EEFSEC: variants seen among roughly 807,000 people sequenced by gnomAD.
The protein encoded by EEFSEC is selenocysteine-specific elongation factor.
Under a neutral mutation model 42.1 loss-of-function variants are expected in EEFSEC, and 43 were observed. The observed-to-expected ratio is 1.02, with a 90% CI of 0.80 to 1.32. EEFSEC has a LOEUF of 1.32. EEFSEC is among the 40% of genes most tolerant of loss of function. EEFSEC has a pLI of 0.00. For missense variants in EEFSEC, 745 were observed against 803.6 expected (o/e 0.93, Z 0.88); for synonymous variants, 354 against 339.1 (o/e 1.04, Z -0.48).
chr3:128,222,819 A>G (rs2065873939), intron 1 of EEFSEC, among the ~76,000 whole-genome samples: 1 of 152,252 alleles, frequency 6.6e-6, no homozygotes, highest in South Asian at 2.1e-4. Context: ...ATTATATATC[A>G]TAAAGAATTT....
At chr3:128,344,094 C>T (rs1328048678) in intron 5 of EEFSEC, among the ~76,000 whole-genome samples, 2 of 152,230 alleles carry the variant, frequency 1.3e-5, no homozygotes, top group Non-Finnish European at 2.9e-5. Flanking sequence ...GCAGCTCCCC[C>T]AACTCGCAAC....
At chr3:128,207,707 A>C (rs1457302420) in intron 1 of EEFSEC, among the ~76,000 whole-genome samples, 1 of 152,124 alleles carries the variant, frequency 6.6e-6, no homozygotes, top group Non-Finnish European at 1.5e-5. Context: ...TATCTGACAA[A>C]GCTTTTCTTC....
intron 1 of EEFSEC, among the ~76,000 whole-genome samples, chr3:128,167,731 A>G (rs762394546): frequency 2.0e-5 from 3 of 152,214 alleles, no homozygotes; most frequent in Non-Finnish European, 4.4e-5. Context: ...GTTCTCAAAC[A>G]TCCTTCTGAT....
intron 1 of EEFSEC, among the ~76,000 whole-genome samples, chr3:128,207,673 A>G (rs2955127): frequency 0.14 from 21,976 of 152,030 alleles, 1,708 homozygotes; most frequent in Admixed American, 0.2. Context: ...CCATGTTGGC[A>G]TTCAAAGCAG....
At position 128,309,924 on chromosome 3, in the gene EEFSEC, A is replaced by G. The variant is rs139658728; in HGVS notation, c.787-31309A>G. On this transcript the variant is annotated intron_variant, in intron 4 of 6. Coordinates refer to ENST00000254730, the MANE Select transcript of EEFSEC (RefSeq NM_021937.5). ...TGCCACACTCTGTGATCTTATTCAA[A>G]TGTCAGCTTTTCCTAGCATTAACAT... 2.9e-4 allele frequency among the ~76,000 whole-genome samples: 44 copies of G among 152,316 alleles called. No homozygotes were observed. The East Asian group carries it at 8.5e-3, about 29-fold the overall frequency.
chr3:128,167,277 T>C (rs1275581739), intron 1 of EEFSEC, among the ~76,000 whole-genome samples: 1 of 152,236 alleles, frequency 6.6e-6, no homozygotes, highest in Non-Finnish European at 1.5e-5. Context: ...TGTTTTCCAC[T>C]GGACTTGATC....
At chr3:128,248,109 T>C (rs2066146268) in intron 2 of EEFSEC, among the ~76,000 whole-genome samples, 2 of 152,198 alleles carry the variant, frequency 1.3e-5, no homozygotes, top group South Asian at 4.1e-4. Context: ...GAAAATGTCC[T>C]TGTTGAGCAC....
Position 128,246,934 on chromosome 3 carries a change from C to T in EEFSEC, c.415C>T (p.Gln139Ter). 1 of 1,614,172 alleles carries T rather than the reference C, an allele frequency of 6.2e-7. No homozygotes were observed. Among genetic ancestry groups the T allele is most frequent in the South Asian group, 1.1e-5 (1 of 91,084 alleles). Residue 139 changes from glutamine (Q) to a stop codon, truncating the protein, a stop_gained, in exon 2 of 7, where the codon CAG becomes TAG. Transcript: ENST00000254730. LOFTEE classifies it high-confidence loss of function. ...CCTTGTGATCGGCCAGATTGCCTGC[C>T]AGAAGCTGGTCGTGGTGCTGAACAA... Reference protein sequence around the residue: ...ECLVIGQIACQKLVVVLNKID... With the variant: ...ECLVIGQIAC
chr3:128,320,434 C>T (rs923151614), intron 4 of EEFSEC, among the ~76,000 whole-genome samples: 6 of 152,184 alleles, frequency 3.9e-5, no homozygotes, highest in African/African-American at 1.2e-4. Context: ...AATCATTTCA[C>T]GTGGATTATC....
intron 5 of EEFSEC, among the ~76,000 whole-genome samples, chr3:128,345,336 A>ACAGGAGCCAATCACCCTGGTCCCTAT (rs1293353929): frequency 6.6e-6 from 1 of 152,200 alleles, no homozygotes; most frequent in East Asian, 1.9e-4. Flanking sequence ...TCTTTGAAGC[A>ACAGGAGCCAATCACCCTGGTCCCTAT]CAGGAGCCAA....
At chr3:128,267,863 G>A (rs2066371559) in intron 4 of EEFSEC, among the ~76,000 whole-genome samples, 1 of 152,216 alleles carries the variant, frequency 6.6e-6, no homozygotes, top group African/African-American at 2.4e-5. Context: ...ACCCCTTGAT[G>A]TATATAAGAG....
At chr3:128,380,070 T>C (rs940281255) in intron 6 of EEFSEC, among the ~76,000 whole-genome samples, 4 of 152,180 alleles carry the variant, frequency 2.6e-5, no homozygotes, top group African/African-American at 7.2e-5. Context: ...TTAGTGGGTG[T>C]CTACAGCAGG....
At chr3:128,288,628 G>C (rs1193224484) in intron 4 of EEFSEC, among the ~76,000 whole-genome samples, 4 of 152,236 alleles carry the variant, frequency 2.6e-5, no homozygotes, top group Admixed American at 2.6e-4. Context: ...GATACAGCAA[G>C]CTGCCAGTAC....
chr3:128,343,766 G>A (rs984211603), intron 5 of EEFSEC, among the ~76,000 whole-genome samples: 53 of 152,260 alleles, frequency 3.5e-4, no homozygotes, highest in East Asian at 5.8e-4. Context: ...TCATGCCTCC[G>A]AAGGGCTGAG....
intron 1 of EEFSEC, among the ~76,000 whole-genome samples, chr3:128,183,058 G>A (rs2065428796): frequency 6.6e-6 from 1 of 152,166 alleles, no homozygotes; most frequent in African/African-American, 2.4e-5. Flanking sequence ...CTAGCTGAAT[G>A]ATCTTTGTCA....
At chr3:128,351,113 G>T (rs1474553418) in intron 5 of EEFSEC, among the ~76,000 whole-genome samples, 2 of 152,164 alleles carry the variant, frequency 1.3e-5, no homozygotes, top group Non-Finnish European at 2.9e-5. Context: ...TGCTGGTGGG[G>T]TGGGTAAGAG....
At chr3:128,252,792 G>A (rs890594794) in intron 2 of EEFSEC, among the ~76,000 whole-genome samples, 1 of 152,122 alleles carries the variant, frequency 6.6e-6, no homozygotes, top group Non-Finnish European at 1.5e-5. Context: ...CAGTCAGCAC[G>A]TCTAGGCCCA....
intron 6 of EEFSEC, chr3:128,367,678 G>GGA: frequency 1.0e-6 from 1 of 985,370 alleles, no homozygotes. Context: ...CACCTTACAG[G>GGA]GAGAGAGACA....
chr3:128,193,924 T>C (rs553113872), intron 1 of EEFSEC, among the ~76,000 whole-genome samples: 1 of 152,234 alleles, frequency 6.6e-6, no homozygotes, highest in African/African-American at 2.4e-5. Flanking sequence ...TAAGTGAGAA[T>C]GAGCCATGAA....
Sources: gnomAD v4.1 joint callset for allele counts (sites outside exome capture counted in the v4.1 genomes callset) on GRCh38, gnomAD v4.1.1 for gene constraint, MANE v1.5 for transcripts, NCBI Gene and HGNC (gene_info 2026-07-23, HGNC 2026-07-21) for gene names.